The following ANKRD31 variants were observed in gnomAD, a reference collection of about 807,000 sequenced individuals.
ANKRD31 encodes the protein ankyrin repeat domain-containing protein 31.
Under a neutral mutation model 186.0 loss-of-function variants are expected in ANKRD31, and 147 were observed. That is an observed-to-expected ratio of 0.79 (90% CI 0.69 to 0.91). ANKRD31 has a LOEUF of 0.91. Ranked by LOEUF, ANKRD31 falls within the 40% of genes least tolerant of loss-of-function variation. The pLI, the probability that ANKRD31 is intolerant of heterozygous loss-of-function variation, is 0.00. For synonymous variants in ANKRD31, 673 were observed against 736.4 expected, an observed-to-expected ratio of 0.91 and a Z score of 1.39; for missense variants, 1,986 against 2,148.8, an observed-to-expected ratio of 0.92 and a Z score of 1.50.
intron 11 of ANKRD31, among the ~76,000 whole-genome samples, chr5:75,165,291 C>G (rs946321628): frequency 1.3e-5 from 2 of 152,132 alleles, no homozygotes; most frequent in Non-Finnish European, 1.5e-5. Flanking sequence ...CTCTTCATCC[C>G]TAATAGCATA....
At chr5:75,111,658 T>C (rs1235922503) in intron 20 of ANKRD31, among the ~76,000 whole-genome samples, 1 of 152,238 alleles carries the variant, frequency 6.6e-6, no homozygotes, top group African/African-American at 2.4e-5. Flanking sequence ...GATCTGAATT[T>C]ATCAGGAACT....
At chr5:75,157,592 G>T (rs1049382081) in intron 11 of ANKRD31, among the ~76,000 whole-genome samples, 1 of 152,192 alleles carries the variant, frequency 6.6e-6, no homozygotes, top group Non-Finnish European at 1.5e-5. Context: ...TGTTAATGCT[G>T]AAGAGAGTAG....
At chr5:75,190,970 T>C (rs1387432087) in intron 9 of ANKRD31, among the ~76,000 whole-genome samples, 4 of 152,058 alleles carry the variant, frequency 2.6e-5, no homozygotes, top group Non-Finnish European at 1.5e-5. Flanking sequence ...TTCCATACAA[T>C]TTTTTTAAAT....
At position 75,159,017 on chromosome 5, in the gene ANKRD31, T is replaced by C. The variant is rs564480102; in HGVS notation, c.1708-4672A>G. ...TGTTGATAATTTATAAAATAGAGAA[T>C]ATTAATAAACAGAAAGTTTTAAAAA... On this transcript the variant is annotated intron_variant, in intron 11 of 25. Transcript: ENST00000506364. Among the ~76,000 whole-genome samples, 10 of 152,042 alleles carry C rather than the reference T, an allele frequency of 6.6e-5. 1 individual carries two copies. The East Asian group carries it at 1.9e-3, about 29-fold the overall frequency.
chr5:75,138,082 C>T, intron 16 of ANKRD31, 84 bp from the exon 17 acceptor site: 2 of 1,214,752 alleles, frequency 1.6e-6, no homozygotes, highest in Non-Finnish European at 2.1e-6. Flanking sequence ...GGTTTTGTTG[C>T]ATTAATGCAA....
intron 22 of ANKRD31, among the ~76,000 whole-genome samples, chr5:75,093,353 G>C (rs1032967216): frequency 3.3e-5 from 5 of 151,964 alleles, no homozygotes; most frequent in African/African-American, 9.7e-5. Flanking sequence ...ATGGTGGCAA[G>C]CTCCTGTAAT....
intron 12 of ANKRD31, 137 bp downstream of exon 12, chr5:75,154,064 G>T: frequency 1.2e-6 from 1 of 837,644 alleles, no homozygotes; most frequent in Non-Finnish European, 1.6e-6. Flanking sequence ...TTTATTAACA[G>T]AATGAAGAAA....
intron 25 of ANKRD31, among the ~76,000 whole-genome samples, chr5:75,079,119 A>G (rs1055469883): frequency 6.6e-6 from 1 of 152,202 alleles, no homozygotes; most frequent in Admixed American, 6.5e-5. Context: ...CATTGACTTG[A>G]GTTACCAATT....
chr5:75,147,403 T>G lies in ANKRD31; in HGVS notation c.2008A>C (p.Ser670Arg). Residue 670 changes from serine (S) to arginine (R), a missense_variant, in exon 14 of 26, where the codon AGT becomes CGT. Physicochemically the swap from Ser to Arg is moderately radical, Grantham distance 110. Transcript: ENST00000506364. The stretch of plus-strand genomic sequence containing the variant: ...ACATCTTCTTTATTTATAAATAAAC[T>G]CGCTTTGCTTCCTTTATTGACTTTT... Reference protein sequence around the residue: ...HVKVNKGSKASLFINKEDVYE... With the variant: ...HVKVNKGSKARLFINKEDVYE... 1 of 1,521,166 alleles carries G rather than the reference T, an allele frequency of 6.6e-7. No individual in the cohort carries two copies. The highest frequency in any genetic ancestry group is 2.1e-5 in the Admixed American group (1 of 47,242). 94.2% of individuals were successfully genotyped at this position (1,521,166 alleles called of 1,614,324 possible).
At chr5:75,193,189 A>G (rs952343058) in intron 8 of ANKRD31, 122 bp downstream of exon 8, 2 of 1,169,052 alleles carry the variant, frequency 1.7e-6, no homozygotes, top group East Asian at 5.1e-5. Flanking sequence ...AAAAGCAATA[A>G]TATAAAAAAT....
intron 19 of ANKRD31, 38 bp from the exon 20 acceptor site, chr5:75,112,638 G>C: frequency 7.8e-7 from 1 of 1,285,446 alleles, no homozygotes. Flanking sequence ...ATTATAAAGG[G>C]GTAGATATGC....
chr5:75,121,455 T>G (rs971163306), intron 17 of ANKRD31, among the ~76,000 whole-genome samples: 1 of 152,100 alleles, frequency 6.6e-6, no homozygotes, highest in Non-Finnish European at 1.5e-5. Context: ...TTAGACCAAA[T>G]GGACCCAACA....
chr5:75,141,509 G>A (rs948738573), intron 15 of ANKRD31, among the ~76,000 whole-genome samples: 3 of 152,054 alleles, frequency 2.0e-5, no homozygotes, highest in Non-Finnish European at 4.4e-5. Flanking sequence ...GAGGCAGCAG[G>A]AGTTTGAGAC....
intron 7 of ANKRD31, among the ~76,000 whole-genome samples, chr5:75,194,407 C>T (rs1368072618): frequency 6.6e-6 from 1 of 152,032 alleles, no homozygotes; most frequent in East Asian, 1.9e-4. Flanking sequence ...AATCTTCATG[C>T]CCTATCTCCA....
At chr5:75,182,991 A>G (rs1754437445) in intron 10 of ANKRD31, among the ~76,000 whole-genome samples, 1 of 152,190 alleles carries the variant, frequency 6.6e-6, no homozygotes, top group African/African-American at 2.4e-5. Flanking sequence ...CCTGATGAAC[A>G]CAGGGGCAAA....
chr5:75,211,465 T>C (rs2150288573), intron 3 of ANKRD31, among the ~76,000 whole-genome samples: 1 of 152,310 alleles, frequency 6.6e-6, no homozygotes, highest in Middle Eastern at 3.4e-3. Context: ...TACAAATATA[T>C]CTATTCAAGT....
chr5:75,200,286 ATTCT>A (rs1337313990), intron 5 of ANKRD31, among the ~76,000 whole-genome samples: 2 of 142,864 alleles, frequency 1.4e-5, no homozygotes, highest in Admixed American at 7.0e-5. Context: ...TTCCTTTTAC[ATTCT>A]TTCTTTCTTT....
At chr5:75,128,050 T>C (rs1264896329) in intron 17 of ANKRD31, among the ~76,000 whole-genome samples, 2 of 152,242 alleles carry the variant, frequency 1.3e-5, no homozygotes, top group Admixed American at 6.5e-5. Context: ...TGTCATATTA[T>C]ATGAAACAAA....
At chr5:75,073,184 C>T (rs1744378391) in intron 25 of ANKRD31, among the ~76,000 whole-genome samples, 1 of 152,026 alleles carries the variant, frequency 6.6e-6, no homozygotes, top group African/African-American at 2.4e-5. Context: ...ATAATCCAAG[C>T]TACTTGGGAG....
Sources: allele counts gnomAD v4.1 joint callset (sites outside exome capture counted in the v4.1 genomes callset), GRCh38; gene constraint gnomAD v4.1.1; transcripts MANE v1.5; gene names NCBI Gene and HGNC (gene_info 2026-07-23, HGNC 2026-07-21).